Variants in DNAH2 observed in about 807,000 individuals in gnomAD.
DNAH2 encodes dynein axonemal heavy chain 2.
In DNAH2, 323 loss-of-function variants were observed where a neutral mutation model predicts 523.5. The observed-to-expected ratio is 0.62, with a 90% CI of 0.56 to 0.68. The LOEUF (loss-of-function observed/expected upper bound fraction) is 0.68, where lower values mean the gene tolerates loss of function less well. Ranked by LOEUF, DNAH2 falls within the 30% of genes least tolerant of loss-of-function variation. The pLI, the probability that DNAH2 is intolerant of heterozygous loss-of-function variation, is 0.00. For synonymous variants in DNAH2, 2,093 were observed against 2,177.4 expected (o/e 0.96, Z 1.08); for missense variants, 4,907 against 5,701.5 (o/e 0.86, Z 4.49).
intron 12 of DNAH2, among the ~76,000 whole-genome samples, chr17:7,753,815 G>A (rs1430804387): frequency 6.6e-6 from 1 of 152,078 alleles, no homozygotes; most frequent in African/African-American, 2.4e-5. Context: ...GGGCATGGTG[G>A]TGCGCACCTA....
At chr17:7,787,087 T>C in intron 42 of DNAH2, 54 bp downstream of exon 42, 4 of 1,599,942 alleles carry the variant, frequency 2.5e-6, no homozygotes, top group Non-Finnish European at 3.4e-6. Context: ...CCGGAGGGCG[T>C]GGGCCGGGGC....
Position 7,764,978 on chromosome 17 carries a change from G to A in DNAH2, c.3337-413G>A, listed in dbSNP as rs368356641. ...CCACCTCAGCCTCCTGAGTAGCTGG[G>A]ACTACAGGCACCTCAAGTGATCCTC... On this transcript the variant is annotated intron_variant, in intron 20 of 85. Coordinates refer to ENST00000572933, the MANE Select transcript of DNAH2 (RefSeq NM_020877.5). Among the ~76,000 whole-genome samples the A allele has an allele frequency of 1.7e-4, 25 of 148,762 alleles. No homozygotes were observed. The East Asian group carries it at 5.1e-3, about 30-fold the overall frequency.
Position 7,831,404 on chromosome 17 carries a change from C to T in DNAH2, c.12474C>T (p.Ala4158=), listed in dbSNP as rs780375599. The change falls in exon 81 of 86, where the codon GCC becomes GCT. Residue 4158 remains alanine (A), a synonymous_variant. Coordinates refer to ENST00000572933, the MANE Select transcript of DNAH2 (RefSeq NM_020877.5). The surrounding 1 kb of genome is among the most constrained non-coding windows in gnomAD (Gnocchi z 4.2). Reference sequence around the variant, plus strand: ...TGCCTGCTCAGGTCCTTGAGTTGGCCGCTGATGTGAAGCAGAAGATCCCTG... The same window carrying T: ...TGCCTGCTCAGGTCCTTGAGTTGGCTGCTGATGTGAAGCAGAAGATCCCTG... ...QTREEKVLEL[A]ADVKQKIPEM... is the part of the protein sequence containing the mutation. 12 of 1,613,838 alleles carry T rather than the reference C, an allele frequency of 7.4e-6. No homozygotes were observed. The highest frequency in any genetic ancestry group is 1.7e-5 in the Admixed American group (1 of 59,982).
intron 63 of DNAH2, among the ~76,000 whole-genome samples, chr17:7,812,923 C>T (rs1423821100): frequency 1.3e-5 from 2 of 150,986 alleles, no homozygotes; most frequent in African/African-American, 4.9e-5. Flanking sequence ...TGCACTCCAG[C>T]CTGAGTGACA....
chr17:7,727,014 C>T, intron 3 of DNAH2, 108 bp from the exon 4 acceptor site: 1 of 1,242,606 alleles, frequency 8.0e-7, no homozygotes, highest in South Asian at 1.8e-5. Context: ...CCATTCTGAA[C>T]CTGTCTGGCT....
At chr17:7,785,075 T>TCAAAGAAG (rs2076698449) in intron 39 of DNAH2, among the ~76,000 whole-genome samples, 1 of 148,260 alleles carries the variant, frequency 6.7e-6, no homozygotes, top group African/African-American at 2.5e-5. Flanking sequence ...AACTAATGGA[T>TCAAAGAAG]CAAAGAAGAA....
intron 4 of DNAH2, among the ~76,000 whole-genome samples, chr17:7,731,446 C>G (rs1392436820): frequency 6.6e-6 from 1 of 151,860 alleles, no homozygotes; most frequent in Non-Finnish European, 1.5e-5. Context: ...ATAGCTACTT[C>G]TATTTCTTTT....
intron 39 of DNAH2, 43 bp downstream of exon 39, chr17:7,781,210 C>T (rs1007570084): frequency 3.8e-5 from 62 of 1,611,574 alleles, no homozygotes; most frequent in Non-Finnish European, 5.3e-5. Context: ...TGCTGTGGCT[C>T]ATGGTTGTAA....
At chr17:7,815,689 TG>T (rs1567745042) in intron 63 of DNAH2, among the ~76,000 whole-genome samples, 1 of 149,340 alleles carries the variant, frequency 6.7e-6, no homozygotes, top group East Asian at 2.0e-4. Context: ...CACACATATA[TG>T]GGATCACACA....
At chr17:7,784,092 G>C (rs185977208) in intron 39 of DNAH2, among the ~76,000 whole-genome samples, 1 of 152,148 alleles carries the variant, frequency 6.6e-6, no homozygotes, top group African/African-American at 2.4e-5. Flanking sequence ...AACAGATTTT[G>C]AGCTAAAAAG....
In DNAH2 at chr17:7,816,638, G is replaced by T. The variant is rs931986589; in HGVS notation, c.9797G>T (p.Arg3266Leu). 2 of 1,614,204 alleles carry T rather than the reference G, an allele frequency of 1.2e-6. No homozygotes were observed. Among genetic ancestry groups the T allele is most frequent in the Admixed American group, 1.7e-5 (1 of 60,026 alleles). The change falls in exon 64 of 86, where the codon CGC (arginine) becomes CTC (leucine). Residue 3266 changes from arginine to leucine, a missense_variant. Arg to Leu is a moderately radical substitution (Grantham distance 102). Transcript: ENST00000572933. Reference sequence around the variant, plus strand: ...AAGCTGGCACAGAAGGAGGAGCTTCGCAAGAAGTCTGAAGAGATGGAGCTG... The same window carrying T: ...AAGCTGGCACAGAAGGAGGAGCTTCTCAAGAAGTCTGAAGAGATGGAGCTG... ...DEKLAQKEEL[R>L]KKSEEMELKL...
At chr17:7,737,294 T>G (rs947200559) in intron 8 of DNAH2, 36 bp downstream of exon 8, 1 of 1,598,882 alleles carries the variant, frequency 6.3e-7, no homozygotes, top group Admixed American at 1.7e-5. Flanking sequence ...GAGGGGTTTA[T>G]GAGGGTGGCC....
chr17:7,801,507 G>A lies in DNAH2; in HGVS notation c.8700-71G>A, dbSNP rs116601470. The A allele has an allele frequency of 4.8e-5, 77 of 1,599,158 alleles. No homozygotes were observed. The African/African-American group carries it at 5.9e-4, about 12-fold the overall frequency. On this transcript the variant is annotated intron_variant, in intron 56 of 85. Transcript: ENST00000572933. ...AGGTTCTTAGAAAGTGAGTGGATGC[G>A]TGTTGGGAAGCCAGTACCTGGAGGC...
At chr17:7,784,318 T>C (rs913517671) in intron 39 of DNAH2, among the ~76,000 whole-genome samples, 8 of 152,138 alleles carry the variant, frequency 5.3e-5, no homozygotes, top group Admixed American at 2.0e-4. Flanking sequence ...AATCAGGATA[T>C]AGAAGATTTG....
In DNAH2 at chr17:7,833,439, C is replaced by T. The variant is rs2078252550; in HGVS notation, c.13190C>T (p.Ser4397Phe). The T allele has an allele frequency of 2.5e-6, 4 of 1,614,080 alleles. No homozygotes were observed. Among genetic ancestry groups the T allele is most frequent in the African/African-American group, 1.3e-5 (1 of 74,924 alleles). Residue 4397 changes from serine (S) to phenylalanine (F), a missense_variant, in exon 86 of 86, where the codon TCC (serine) becomes TTC (phenylalanine). Around this residue, in one of 3 missense-constraint regions of DNAH2, gnomAD observed 1,851 missense variants for 2,139.4 expected, o/e 0.87. Coordinates refer to ENST00000572933, the MANE Select transcript of DNAH2 (RefSeq NM_020877.5). ...PNRAGSSDRA[S>F]FVIGIDLRSG... ...CGGGCAGGCAGCTCAGACCGAGCCT[C>T]CTTTGTCATCGGCATTGACCTGCGG...
intron 2 of DNAH2, among the ~76,000 whole-genome samples, chr17:7,722,105 C>T (rs1317101411): frequency 6.6e-6 from 1 of 152,102 alleles, no homozygotes; most frequent in Non-Finnish European, 1.5e-5. Context: ...TTCAAGCAAT[C>T]CTCCTGCCTC....
rs769598307 is a variant in DNAH2, at chr17:7,801,724, C to T, written c.8832+14C>T. 12 of 1,613,742 alleles carry T rather than the reference C, an allele frequency of 7.4e-6. No homozygotes were observed. In the South Asian group the frequency reaches 1.3e-4, roughly 18 times the overall value. On this transcript the variant is annotated intron_variant, in intron 57 of 85. Coordinates refer to ENST00000572933, the MANE Select transcript of DNAH2 (RefSeq NM_020877.5). ...ACTCAGGAGAATGTGAGCCCCTCCT[C>T]CCCACCTCTCATTGCATCCCTGGCC...
rs572578153 is a variant in DNAH2 at position 7,754,646 on chromosome 17, G to A, written c.1905-2445G>A. 1 of 1,412,894 alleles carries A rather than the reference G, an allele frequency of 7.1e-7. No individual in the cohort carries two copies. Among genetic ancestry groups the A allele is most frequent in the Non-Finnish European group, 9.9e-7 (1 of 1,013,808 alleles). 87.5% of individuals were successfully genotyped at this position (1,412,894 alleles called of 1,614,324 possible). ...AGGAGGTTAAGCCCAAGATCCCAAAGGGTGTCAGCCATAAACTTGATCGAC... is the reference window on the plus strand; with the variant it reads ...AGGAGGTTAAGCCCAAGATCCCAAAAGGTGTCAGCCATAAACTTGATCGAC... On this transcript the variant is annotated intron_variant, in intron 12 of 85. Coordinates refer to ENST00000572933, the MANE Select transcript of DNAH2 (RefSeq NM_020877.5). The surrounding 1 kb of genome is among the most constrained non-coding windows in gnomAD (Gnocchi z 4.6).
intron 4 of DNAH2, among the ~76,000 whole-genome samples, chr17:7,730,267 C>T: frequency 6.6e-6 from 1 of 152,162 alleles, no homozygotes. Flanking sequence ...AACTGAATAG[C>T]TAACCCAGAA....
Sources: gnomAD v4.1 joint callset for allele counts (sites outside exome capture counted in the v4.1 genomes callset) on GRCh38, gnomAD v4.1.1 for gene constraint, gnomAD v4.1.1 regional missense constraint, Gnocchi (gnomAD v3.1) non-coding constraint, MANE v1.5 for transcripts, NCBI Gene and HGNC (gene_info 2026-07-23, HGNC 2026-07-21) for gene names.